TSPAN18: variants seen among roughly 807,000 people sequenced by gnomAD.
The protein encoded by TSPAN18 is tetraspanin 18.
Under a neutral mutation model 27.3 loss-of-function variants are expected in TSPAN18, and 14 were observed. The ratio of observed to expected loss-of-function variants is 0.51; its 90% CI spans 0.34 to 0.80. The LOEUF is 0.80. Ranked by LOEUF, TSPAN18 falls within the 30% of genes least tolerant of loss-of-function variation. TSPAN18 has a pLI of 0.01. For synonymous variants in TSPAN18, 143 were observed against 136.5 expected, an observed-to-expected ratio of 1.05 and a Z score of -0.33; for missense variants, 268 against 323.9, an observed-to-expected ratio of 0.83 and a Z score of 1.32.
chr11:44,817,096 G>A (rs1856832045), intron 2 of TSPAN18, among the ~76,000 whole-genome samples: 1 of 152,204 alleles, frequency 6.6e-6, no homozygotes, highest in South Asian at 2.1e-4. Flanking sequence ...TTGGGGGCCT[G>A]CTTAGCTTCC....
intron 2 of TSPAN18, among the ~76,000 whole-genome samples, chr11:44,794,416 C>A (rs1856299595): frequency 6.6e-6 from 1 of 152,116 alleles, no homozygotes; most frequent in Non-Finnish European, 1.5e-5. Context: ...GCCTGTAATC[C>A]CAGCACTTTG....
chr11:44,862,316 A>T (rs947826979), intron 3 of TSPAN18, among the ~76,000 whole-genome samples: 2 of 152,224 alleles, frequency 1.3e-5, no homozygotes, highest in Non-Finnish European at 2.9e-5. Context: ...TGCAGAAAAA[A>T]TACCGAAAAC....
chr11:44,728,198 T>C (rs1374770634), intron 1 of TSPAN18, among the ~76,000 whole-genome samples: 1 of 152,102 alleles, frequency 6.6e-6, no homozygotes, highest in Non-Finnish European at 1.5e-5. Flanking sequence ...AGGTTCACAG[T>C]TATAACTGCG....
chr11:44,780,655 C>T (rs1472798853), intron 2 of TSPAN18, among the ~76,000 whole-genome samples: 1 of 152,222 alleles, frequency 6.6e-6, no homozygotes, highest in Non-Finnish European at 1.5e-5. Flanking sequence ...TGGAACCAGA[C>T]TTCCAGTCCT....
At chr11:44,793,632 G>A (rs986294267) in intron 2 of TSPAN18, among the ~76,000 whole-genome samples, 6 of 152,156 alleles carry the variant, frequency 3.9e-5, no homozygotes, top group Admixed American at 6.5e-5. Flanking sequence ...GAGTCACCAC[G>A]TTACCCTGGT....
intron 2 of TSPAN18, among the ~76,000 whole-genome samples, chr11:44,776,677 C>T (rs905172465): frequency 1.3e-5 from 2 of 152,156 alleles, no homozygotes; most frequent in South Asian, 2.1e-4. Context: ...TCTCTGCCCC[C>T]GACTCTCCGT....
chr11:44,894,069 C>A (rs971909491), intron 3 of TSPAN18, among the ~76,000 whole-genome samples: 5 of 152,224 alleles, frequency 3.3e-5, no homozygotes, highest in African/African-American at 1.2e-4. Flanking sequence ...AAGCCCAGGG[C>A]TGGCGCTGTT....
chr11:44,880,241 G>C (rs1445573666), intron 3 of TSPAN18, among the ~76,000 whole-genome samples: 1 of 152,252 alleles, frequency 6.6e-6, no homozygotes, highest in African/African-American at 2.4e-5. Flanking sequence ...TGAACTCCAA[G>C]ATGTACGGCA....
chr11:44,776,996 A>G (rs892475563), intron 2 of TSPAN18, among the ~76,000 whole-genome samples: 2 of 152,210 alleles, frequency 1.3e-5, no homozygotes, highest in Non-Finnish European at 2.9e-5. Context: ...GGCTTCCTGC[A>G]CTGTCTGGCA....
chr11:44,852,826 A>G (rs1490276728), intron 2 of TSPAN18, among the ~76,000 whole-genome samples: 1 of 152,216 alleles, frequency 6.6e-6, no homozygotes, highest in Non-Finnish European at 1.5e-5. Flanking sequence ...AAAGGAACCA[A>G]GATGGTCTGC....
chr11:44,727,560 C>T (rs112721912), intron 1 of TSPAN18, among the ~76,000 whole-genome samples: 8,198 of 152,264 alleles, frequency 0.054, 298 homozygotes, highest in African/African-American at 0.097. Context: ...CGGTGGGCTC[C>T]CAGTGCTCCG....
intron 4 of TSPAN18, among the ~76,000 whole-genome samples, chr11:44,906,706 G>T (rs935040546): frequency 6.6e-6 from 1 of 152,204 alleles, no homozygotes; most frequent in Non-Finnish European, 1.5e-5. Context: ...CCTGGGGTGG[G>T]TCAGCCCCTC....
At chr11:44,883,114 C>T (rs1858541992) in intron 3 of TSPAN18, among the ~76,000 whole-genome samples, 2 of 152,218 alleles carry the variant, frequency 1.3e-5, no homozygotes, top group African/African-American at 4.8e-5. Flanking sequence ...AGTGCTTTTA[C>T]AGGATGAGAC....
intron 5 of TSPAN18, among the ~76,000 whole-genome samples, chr11:44,912,073 G>A: frequency 6.6e-6 from 1 of 150,984 alleles, no homozygotes; most frequent in Non-Finnish European, 1.5e-5. Context: ...CCAAGCTGGT[G>A]TGCAGCAGTG....
intron 2 of TSPAN18, among the ~76,000 whole-genome samples, chr11:44,833,586 G>A (rs1442766349): frequency 1.3e-5 from 2 of 152,110 alleles, no homozygotes; most frequent in East Asian, 3.9e-4. Context: ...GGCTTATAAG[G>A]ATGAATGACA....
intron 1 of TSPAN18, among the ~76,000 whole-genome samples, chr11:44,745,291 A>G (rs1855045244): frequency 6.6e-6 from 1 of 152,204 alleles, no homozygotes; most frequent in Non-Finnish European, 1.5e-5. Flanking sequence ...TGGTGGAGAA[A>G]CAGTAAGTAT....
intron 7 of TSPAN18, 52 bp from the exon 8 acceptor site, chr11:44,919,765 C>T (rs1229976012): frequency 1.5e-5 from 23 of 1,574,960 alleles, no homozygotes; most frequent in Non-Finnish European, 1.8e-5. Flanking sequence ...TCTGTCCCCG[C>T]CCCTGTGTCC....
At chr11:44,745,014 T>C (rs888575777) in intron 1 of TSPAN18, among the ~76,000 whole-genome samples, 1 of 151,940 alleles carries the variant, frequency 6.6e-6, no homozygotes, top group Non-Finnish European at 1.5e-5. Context: ...AAAGAATAGA[T>C]GGGGAATAGA....
chr11:44,867,373 G>A (rs1209873379), intron 3 of TSPAN18, among the ~76,000 whole-genome samples: 2 of 146,340 alleles, frequency 1.4e-5, no homozygotes, highest in Non-Finnish European at 3.0e-5. Context: ...TACTGGAGAA[G>A]GCTTGGTTTA....
Sources: allele counts gnomAD v4.1 joint callset (sites outside exome capture counted in the v4.1 genomes callset), GRCh38; gene constraint gnomAD v4.1.1; transcripts MANE v1.5; gene names NCBI Gene and HGNC (gene_info 2026-07-23, HGNC 2026-07-21).